Variants in DCLK2 observed in about 807,000 individuals in gnomAD.
DCLK2 encodes doublecortin like kinase 2, also known as serine/threonine-protein kinase DCLK2.
In DCLK2, 31 loss-of-function variants were observed where a neutral mutation model predicts 78.4. That is an observed-to-expected ratio of 0.40 (90% confidence interval 0.30 to 0.53). The LOEUF is 0.53. Ranked by LOEUF, DCLK2 falls within the 20% of genes least tolerant of loss-of-function variation. The pLI is 0.61. For missense variants in DCLK2, 872 were observed against 973.7 expected (o/e 0.90, Z 1.39); for synonymous variants, 407 against 374.9 (o/e 1.09, Z -0.99).
chr4:150,081,338 G>A (rs949101528), intron 1 of DCLK2, among the ~76,000 whole-genome samples: 1 of 152,132 alleles, frequency 6.6e-6, no homozygotes, highest in Non-Finnish European at 1.5e-5. Context: ...ACCGCCCACC[G>A]CATGCATGTC....
At chr4:150,110,933 C>T (rs60531128) in intron 2 of DCLK2, among the ~76,000 whole-genome samples, 3,068 of 152,248 alleles carry the variant, frequency 0.02, 103 homozygotes, top group African/African-American at 0.069. Context: ...GTGAATTGTG[C>T]TATGATAAAC....
chr4:150,249,919 G>A (rs555681582), intron 15 of DCLK2, among the ~76,000 whole-genome samples: 16 of 152,254 alleles, frequency 1.1e-4, no homozygotes, highest in Admixed American at 9.2e-4. Context: ...AGGCGTCAAG[G>A]AGCTCCTGGC....
At chr4:150,139,884 A>G (rs550039918) in intron 2 of DCLK2, among the ~76,000 whole-genome samples, 21 of 152,310 alleles carry the variant, frequency 1.4e-4, no homozygotes, top group Admixed American at 9.1e-4. Context: ...CAAAGTTTAT[A>G]TGCAATTAAT....
chr4:150,183,255 A>G (rs1204437471), intron 2 of DCLK2, among the ~76,000 whole-genome samples: 1 of 152,230 alleles, frequency 6.6e-6, no homozygotes, highest in Admixed American at 6.5e-5. Context: ...GCCGTGGAAA[A>G]TATCTCAAGA....
intron 10 of DCLK2, among the ~76,000 whole-genome samples, chr4:150,233,399 C>T (rs1742232164): frequency 6.6e-6 from 1 of 152,192 alleles, no homozygotes; most frequent in South Asian, 2.1e-4. Context: ...TCACCAGATA[C>T]AAGAAAATAC....
At chr4:150,149,030 A>T (rs28632044) in intron 2 of DCLK2, among the ~76,000 whole-genome samples, 41,700 of 130,780 alleles carry the variant, frequency 0.32, 6,299 homozygotes, top group East Asian at 0.36. Flanking sequence ...AGAGTGACAG[A>T]CTGTCTCAAA....
At chr4:150,189,914 G>T (rs1387008653) in intron 2 of DCLK2, among the ~76,000 whole-genome samples, 2 of 151,700 alleles carry the variant, frequency 1.3e-5, no homozygotes, top group African/African-American at 4.8e-5. Flanking sequence ...TGGTCAGGCT[G>T]TGGGTGCCTG....
intron 2 of DCLK2, among the ~76,000 whole-genome samples, chr4:150,119,762 AAAG>A (rs1009739081): frequency 1.3e-5 from 2 of 152,134 alleles, no homozygotes; most frequent in African/African-American, 2.4e-5. Flanking sequence ...AGAAAAAAAA[AAAG>A]AAGAAAATTT....
At chr4:150,079,532 C>A (rs2150124695) in intron 1 of DCLK2, 84 bp downstream of exon 1, 1 of 1,346,572 alleles carries the variant, frequency 7.4e-7, no homozygotes, top group East Asian at 2.7e-5. Context: ...GGGGAGCCCG[C>A]GGGGTGCTTT....
At chr4:150,085,225 A>T (rs1354574721) in intron 1 of DCLK2, among the ~76,000 whole-genome samples, 1 of 152,176 alleles carries the variant, frequency 6.6e-6, no homozygotes, top group Non-Finnish European at 1.5e-5. Flanking sequence ...GAGGAAATGG[A>T]GTCCATTCTG....
chr4:150,126,392 T>C (rs1162624671), intron 2 of DCLK2, among the ~76,000 whole-genome samples: 2 of 152,182 alleles, frequency 1.3e-5, no homozygotes, highest in Non-Finnish European at 2.9e-5. Context: ...AGGGTGAGTC[T>C]ATTAATAGCC....
In DCLK2 at chr4:150,079,429, C is replaced by A; in HGVS notation, c.402C>A (p.Ser134Arg). ...YTIDGSRKVT[S>R]LDELLEGESY... The stretch of plus-strand genomic sequence containing the variant: ...TCGACGGCAGCCGGAAGGTCACCAG[C>A]CTGGACGAGCTGCTGGAAGGTAGGA... Residue 134 changes from serine (S) to arginine (R), a missense_variant, in exon 1 of 16, where the codon AGC becomes AGA. Coordinates refer to ENST00000296550, the MANE Select transcript of DCLK2 (RefSeq NM_001040260.4). The A allele has an allele frequency of 6.5e-7, 1 of 1,533,928 alleles. No individual in the cohort carries two copies. Among genetic ancestry groups the A allele is most frequent in the Non-Finnish European group, 8.8e-7 (1 of 1,135,576 alleles).
intron 2 of DCLK2, among the ~76,000 whole-genome samples, chr4:150,183,124 G>A (rs940923589): frequency 2.6e-5 from 4 of 152,140 alleles, no homozygotes; most frequent in African/African-American, 7.2e-5. Flanking sequence ...TTTCAAGAGG[G>A]CTAGGATTTT....
intron 1 of DCLK2, among the ~76,000 whole-genome samples, chr4:150,095,667 G>A (rs1730406452): frequency 2.0e-5 from 3 of 152,180 alleles, no homozygotes; most frequent in Non-Finnish European, 1.5e-5. Flanking sequence ...GATGTGTGTT[G>A]TTAACTTAGC....
At chr4:150,150,751 G>A (rs1734828773) in intron 2 of DCLK2, among the ~76,000 whole-genome samples, 1 of 152,176 alleles carries the variant, frequency 6.6e-6, no homozygotes, top group Non-Finnish European at 1.5e-5. Context: ...TGAAATTATA[G>A]CTCAGGGACT....
intron 10 of DCLK2, 90 bp from the exon 11 acceptor site, chr4:150,239,652 A>T: frequency 6.8e-7 from 1 of 1,471,552 alleles, no homozygotes. Flanking sequence ...TAGTAAATGT[A>T]TTTGTGTCCT....
chr4:150,238,460 C>A (rs1742669715), intron 10 of DCLK2, among the ~76,000 whole-genome samples: 1 of 152,016 alleles, frequency 6.6e-6, no homozygotes, highest in Admixed American at 6.6e-5. Flanking sequence ...CTTATTGGGT[C>A]AAAGGTTATA....
intron 6 of DCLK2, 51 bp downstream of exon 6, chr4:150,220,829 C>A: frequency 1.4e-6 from 2 of 1,412,618 alleles, no homozygotes; most frequent in South Asian, 1.2e-5. Flanking sequence ...TGCATGGGGA[C>A]TTGGTGCTCA....
At chr4:150,155,006 G>A (rs1193719270) in intron 2 of DCLK2, among the ~76,000 whole-genome samples, 3 of 152,178 alleles carry the variant, frequency 2.0e-5, no homozygotes, top group Non-Finnish European at 4.4e-5. Flanking sequence ...CTAGGCGGGT[G>A]GATCACTTGA....
Sources: gnomAD v4.1 joint callset for allele counts (sites outside exome capture counted in the v4.1 genomes callset) on GRCh38, gnomAD v4.1.1 for gene constraint, MANE v1.5 for transcripts, NCBI Gene and HGNC (gene_info 2026-07-23, HGNC 2026-07-21) for gene names.